SP4: variants seen among roughly 807,000 people sequenced by gnomAD.
SP4 encodes transcription factor Sp4.
In SP4, 19 loss-of-function variants were observed where a neutral mutation model predicts 72.8. That is an observed-to-expected ratio of 0.26 (90% CI 0.18 to 0.38). SP4 has a LOEUF of 0.38. Among genes scored for constraint, SP4 ranks in the 10% least tolerant of loss-of-function variants. The probability of loss-of-function intolerance (pLI) is 1.00; values close to 1 mark genes in which losing one functional copy is unlikely to be tolerated. For synonymous variants in SP4, 395 were observed against 333.1 expected (o/e 1.19, Z -2.02); for missense variants, 1,008 against 926.3 (o/e 1.09, Z -1.14).
Position 21,499,509 on chromosome 7 carries a change from A to G in SP4, c.2108-11513A>G, listed in dbSNP as rs914546155. Among the ~76,000 whole-genome samples the G allele has an allele frequency of 2.0e-5, 3 of 152,206 alleles. No homozygotes were observed. The East Asian group carries it at 5.8e-4, about 29-fold the overall frequency. On this transcript the variant is annotated intron_variant, in intron 5 of 5. Transcript: ENST00000222584. Reference sequence around the variant, plus strand: ...AAGCAGTGCAGCTACAAACCAAGGAATGCCAAGGATTGCCAGCAGTCAGCA... The same window carrying G: ...AAGCAGTGCAGCTACAAACCAAGGAGTGCCAAGGATTGCCAGCAGTCAGCA...
At position 21,511,342 on chromosome 7, in the gene SP4, T is replaced by C; in HGVS notation, c.*73T>C. On this transcript the variant is annotated 3_prime_UTR_variant, in exon 6 of 6. Transcript: ENST00000222584. The stretch of plus-strand genomic sequence containing the variant: ...CTTTGAAAATCTGGAAATGGGCTGG[T>C]CAAGTGGATTACAGAGTAGGAAATT... 1 of 1,424,116 alleles carries C rather than the reference T, an allele frequency of 7.0e-7. No individual in the cohort carries two copies. Among genetic ancestry groups the C allele is most frequent in the Middle Eastern group, 1.8e-4 (1 of 5,486 alleles). The allele number at this position is 1,424,116 out of a possible 1,614,324, so 88.2% of individuals were successfully genotyped here.
At position 21,430,239 on chromosome 7, in the gene SP4, C is replaced by A; in HGVS notation, c.1074C>A (p.Thr358=). The A allele has an allele frequency of 6.2e-7, 1 of 1,614,196 alleles. No homozygotes were observed. Among genetic ancestry groups the A allele is most frequent in the Non-Finnish European group, 8.5e-7 (1 of 1,180,046 alleles). The change falls in exon 3 of 6, where the codon ACC becomes ACA. Residue 358 remains threonine, a synonymous_variant. Transcript: ENST00000222584. ...CATCAGCCAGTAGTTCTGAACGCAC[C>A]ATTGAAGAATCTCAAACACCTGCTG... The part of the protein sequence containing the change: ...ASTSASSSER[T]IEESQTPAAT...
At chr7:21,452,938 G>A (rs111904032) in intron 3 of SP4, among the ~76,000 whole-genome samples, 29 of 151,962 alleles carry the variant, frequency 1.9e-4, no homozygotes, top group South Asian at 4.2e-4. Flanking sequence ...ACCTGCCACC[G>A]CACTGGCTAA....
intron 3 of SP4, among the ~76,000 whole-genome samples, chr7:21,456,997 TC>T (rs1306721485): frequency 1.3e-5 from 2 of 148,894 alleles, no homozygotes; most frequent in East Asian, 4.1e-4. Flanking sequence ...GAGGAAAACT[TC>T]CTACAGGGGT....
intron 5 of SP4, among the ~76,000 whole-genome samples, chr7:21,503,126 A>C (rs574939356): frequency 6.6e-6 from 1 of 152,208 alleles, no homozygotes; most frequent in East Asian, 1.9e-4. Flanking sequence ...TCCAAGTCTT[A>C]ATCAGCACCA....
Position 21,428,305 on chromosome 7 carries a change from T to TCCCTCCCTCCCC in SP4, c.7+48_7+59dup, listed in dbSNP as rs761211074. On this transcript the variant is annotated intron_variant, in intron 1 of 5. Coordinates refer to ENST00000222584, the MANE Select transcript of SP4 (RefSeq NM_003112.5). ...CAGTCTCCTTCGCCGCCTCCCTCTC[T>TCCCTCCCTCCCC]CCCTCCCTCCCCAGACCCTGCTCGG... is the stretch of plus-strand genomic sequence containing the variant. 1.4e-5 allele frequency: 14 copies of TCCCTCCCTCCCC among 1,016,984 alleles called. 1 individual carries two copies. The South Asian group carries it at 1.9e-4, about 14-fold the overall frequency. 63.0% of individuals were successfully genotyped at this position (1,016,984 alleles called of 1,614,324 possible). A position where few individuals can be genotyped will look rare whatever the true frequency, so the allele number is the denominator to read the frequency against.
rs1782217538 is a variant in SP4, at chr7:21,514,464, G to A, written c.*3195G>A. The A allele has an allele frequency of 6.9e-6, 1 of 145,964 alleles. No homozygotes were observed. Among genetic ancestry groups the A allele is most frequent in the Non-Finnish European group, 1.5e-5 (1 of 66,956 alleles). The allele number at this position is 145,964 out of a possible 1,614,324, so 9.0% of individuals were successfully genotyped here. Reference sequence around the variant, plus strand: ...AAACAGAAATAGTTGATGGTAAAATGTAAATGTTTTGCAAAAATTCCTTAT... The same window carrying A: ...AAACAGAAATAGTTGATGGTAAAATATAAATGTTTTGCAAAAATTCCTTAT... On this transcript the variant is annotated 3_prime_UTR_variant, in exon 6 of 6. Transcript: ENST00000222584.
chr7:21,489,592 C>T (rs1784919335), intron 5 of SP4, among the ~76,000 whole-genome samples: 1 of 128,006 alleles, frequency 7.8e-6, no homozygotes, highest in African/African-American at 3.0e-5. Context: ...TGGAGTCTCG[C>T]TCTGTCACCC....
chr7:21,437,391 C>A (rs1017915587), intron 3 of SP4, among the ~76,000 whole-genome samples: 1 of 152,152 alleles, frequency 6.6e-6, no homozygotes, highest in Non-Finnish European at 1.5e-5. Flanking sequence ...GTTGTGGCCT[C>A]TTTGAAGGCT....
rs190901540 is a variant in SP4, at chr7:21,483,268, G to C, written c.2107+1145G>C. Among the ~76,000 whole-genome samples the C allele has an allele frequency of 2.5e-4, 38 of 151,784 alleles. No homozygotes were observed. In the East Asian group the frequency reaches 7.0e-3, roughly 28 times the overall value. ...CTGGTTCTCATTTTTTCTTTCAGAA[G>C]TTTTCCTTATTTATATGATTTATAT... On this transcript the variant is annotated intron_variant, in intron 5 of 5. Coordinates refer to ENST00000222584, the MANE Select transcript of SP4 (RefSeq NM_003112.5).
intron 5 of SP4, among the ~76,000 whole-genome samples, chr7:21,493,361 A>G (rs1785027387): frequency 6.6e-6 from 1 of 152,238 alleles, no homozygotes; most frequent in Non-Finnish European, 1.5e-5. Flanking sequence ...AAATGAAAAT[A>G]CACCATAAAA....
intron 3 of SP4, among the ~76,000 whole-genome samples, chr7:21,437,054 T>C (rs1430792906): frequency 6.6e-6 from 1 of 152,212 alleles, no homozygotes; most frequent in Non-Finnish European, 1.5e-5. Flanking sequence ...GAAGGAACTT[T>C]CAGATTCAGT....
At chr7:21,438,175 C>G (rs183063165) in intron 3 of SP4, among the ~76,000 whole-genome samples, 9 of 152,110 alleles carry the variant, frequency 5.9e-5, no homozygotes, top group Admixed American at 4.6e-4. Context: ...ATTTTGTAGA[C>G]TGCAGAAGAA....
In SP4 at chr7:21,477,169, T is replaced by C. The variant is rs143552623; in HGVS notation, c.1769T>C (p.Ile590Thr). 5.0e-6 allele frequency: 8 copies of C among 1,614,044 alleles called. No individual in the cohort carries two copies. Among genetic ancestry groups the C allele is most frequent in the Admixed American group, 1.7e-5 (1 of 60,006 alleles). ...GTTGGAGGAATTGCTAATGCCACGA[T>C]AGGTGCTGTTAGTCCTGACCAACTC... ...VAVGGIANAT[I>T]GAVSPDQLTQ... Residue 590 changes from isoleucine to threonine, a missense_variant, in exon 4 of 6, where the codon ATA (isoleucine) becomes ACA (threonine). Physicochemically the swap from Ile to Thr is moderately conservative, Grantham distance 89 (BLOSUM62 -1). Around this residue, in one of 3 missense-constraint regions of SP4, gnomAD observed 893 missense variants for 743.3 expected, o/e 1.20. Coordinates refer to ENST00000222584, the MANE Select transcript of SP4 (RefSeq NM_003112.5).
chr7:21,482,204 A>C (rs1784707468), intron 5 of SP4, 81 bp downstream of exon 5: 1 of 1,066,634 alleles, frequency 9.4e-7, no homozygotes, highest in African/African-American at 1.6e-5. Flanking sequence ...TTAGCTATCA[A>C]ATTGGAAATA....
intron 5 of SP4, among the ~76,000 whole-genome samples, chr7:21,486,218 C>G (rs1784808917): frequency 6.6e-6 from 1 of 151,262 alleles, no homozygotes; most frequent in Admixed American, 6.6e-5. Context: ...TTCCCTGCAG[C>G]TTTATTTTTA....
chr7:21,446,515 G>A (rs1783432274), intron 3 of SP4, among the ~76,000 whole-genome samples: 1 of 152,068 alleles, frequency 6.6e-6, no homozygotes, highest in South Asian at 2.1e-4. Flanking sequence ...TAACCTTTGG[G>A]AATGGAGGTC....
Position 21,429,696 on chromosome 7 carries a change from A to G in SP4, c.531A>G (p.Gln177=), listed in dbSNP as rs891326024. 3 of 1,614,096 alleles carry G rather than the reference A, an allele frequency of 1.9e-6. No individual in the cohort carries two copies. Among genetic ancestry groups the G allele is most frequent in the African/African-American group, 2.7e-5 (2 of 74,940 alleles). ...CACAACTTCAGACAGTGGAAGGTCA[A>G]CAAATTCAAATCAATCCAACTAGTA... ...VIPQLQTVEG[Q]QIQINPTSSS... The change falls in exon 3 of 6, where the codon CAA becomes CAG. Residue 177 remains glutamine, a synonymous_variant. Transcript: ENST00000222584.
chr7:21,507,219 C>A (rs531834379), intron 5 of SP4, among the ~76,000 whole-genome samples: 8 of 152,278 alleles, frequency 5.3e-5, no homozygotes, highest in African/African-American at 1.7e-4. Flanking sequence ...TCAATACTTG[C>A]AAGAGGAGCA....
Sources: gnomAD v4.1 joint callset for allele counts (sites outside exome capture counted in the v4.1 genomes callset) on GRCh38, gnomAD v4.1.1 for gene constraint, gnomAD v4.1.1 regional missense constraint, MANE v1.5 for transcripts, NCBI Gene and HGNC (gene_info 2026-07-23, HGNC 2026-07-21) for gene names.